The following ANLN variants were observed in gnomAD, a reference collection of about 807,000 sequenced individuals.
ANLN encodes the protein anillin.
A neutral mutation model predicts 135.1 loss-of-function variants in ANLN; 59 were observed. That is an observed-to-expected ratio of 0.44 (90% CI 0.35 to 0.54). The LOEUF is 0.54. Among genes scored for constraint, ANLN ranks in the 20% least tolerant of loss-of-function variants. The probability of loss-of-function intolerance (pLI) is 0.00; values close to 1 mark genes in which losing one functional copy is unlikely to be tolerated. For synonymous variants in ANLN, 406 were observed against 456.4 expected (o/e 0.89, Z 1.41); for missense variants, 1,182 against 1,340.0 (o/e 0.88, Z 1.84).
chr7:36,452,642 C>G lies in ANLN; in HGVS notation c.*42C>G. 6.2e-7 allele frequency: 1 copy of G among 1,604,894 alleles called. No homozygotes were observed. The highest frequency in any genetic ancestry group is 1.3e-5 in the African/African-American group (1 of 74,718). On this transcript the variant is annotated 3_prime_UTR_variant, in exon 24 of 24. Transcript: ENST00000265748. ...GCTATCTAGAGGTTTTTGATGTCAT[C>G]TTAAGAAACACACTTAAGAGCATCA...
chr7:36,394,167 T>C (rs1183473159), intron 1 of ANLN, among the ~76,000 whole-genome samples: 1 of 152,244 alleles, frequency 6.6e-6, no homozygotes, highest in Non-Finnish European at 1.5e-5. Flanking sequence ...TCTTGCTTTG[T>C]TGCCTAGGCT....
intron 3 of ANLN, among the ~76,000 whole-genome samples, chr7:36,404,039 C>T (rs1189052151): frequency 1.3e-5 from 2 of 152,082 alleles, no homozygotes; most frequent in African/African-American, 2.4e-5. Flanking sequence ...GGCACGATCT[C>T]GGCTCACTGC....
chr7:36,420,870 A>C, intron 12 of ANLN, 126 bp downstream of exon 12: 1 of 837,918 alleles, frequency 1.2e-6, no homozygotes. Flanking sequence ...TCTGATGCAT[A>C]GAAGCTCAGT....
chr7:36,433,867 A>AT (rs902362391), intron 20 of ANLN, among the ~76,000 whole-genome samples: 2 of 151,030 alleles, frequency 1.3e-5, no homozygotes, highest in African/African-American at 2.4e-5. Flanking sequence ...TTTCATTTGG[A>AT]TTTTTTTTAT....
At chr7:36,438,409 T>C (rs1011917363) in intron 20 of ANLN, among the ~76,000 whole-genome samples, 8 of 152,102 alleles carry the variant, frequency 5.3e-5, no homozygotes, top group Non-Finnish European at 1.2e-4. Context: ...TTTTGGTCTT[T>C]TGCCCAGGCC....
At chr7:36,398,782 C>A (rs1037258431) in intron 2 of ANLN, among the ~76,000 whole-genome samples, 26 of 151,278 alleles carry the variant, frequency 1.7e-4, no homozygotes, top group African/African-American at 5.6e-4. Context: ...CTCTTCCCCC[C>A]AAGTCCCCAG....
chr7:36,451,377 C>A (rs1053795725), intron 23 of ANLN, among the ~76,000 whole-genome samples: 1 of 152,224 alleles, frequency 6.6e-6, no homozygotes, highest in Non-Finnish European at 1.5e-5. Context: ...GCAGTAGTTA[C>A]AGTGGAGCTT....
chr7:36,426,902 C>G lies in ANLN; in HGVS notation c.2771-14C>G. 1 of 1,540,024 alleles carries G rather than the reference C, an allele frequency of 6.5e-7. No homozygotes were observed. The highest frequency in any genetic ancestry group is 8.8e-7 in the Non-Finnish European group (1 of 1,137,006). ...GTCATTCTGAACTAAACTTAATTTC[C>G]TCGTTCTTCACAGTCATGGCCAGTC... On this transcript the variant is annotated splice_polypyrimidine_tract_variant and intron_variant, in intron 19 of 23. Transcript: ENST00000265748.
At chr7:36,447,208 A>G (rs535525001) in intron 22 of ANLN, among the ~76,000 whole-genome samples, 1 of 152,158 alleles carries the variant, frequency 6.6e-6, no homozygotes, top group Non-Finnish European at 1.5e-5. Flanking sequence ...TCACAATTTC[A>G]TGGATAGAAG....
chr7:36,442,314 AAAATC>A (rs557259003), intron 21 of ANLN, among the ~76,000 whole-genome samples: 2 of 152,350 alleles, frequency 1.3e-5, no homozygotes, highest in South Asian at 4.1e-4. Flanking sequence ...AAGGTAATCT[AAAATC>A]AAACGCAAAG....
intron 20 of ANLN, among the ~76,000 whole-genome samples, chr7:36,431,251 A>G (rs998219289): frequency 6.6e-6 from 1 of 152,092 alleles, no homozygotes; most frequent in African/African-American, 2.4e-5. Flanking sequence ...TCGGTTTCAA[A>G]TTTGGGCAGT....
At chr7:36,425,794 A>G in intron 18 of ANLN, 54 bp downstream of exon 18, 1 of 1,546,726 alleles carries the variant, frequency 6.5e-7, no homozygotes, top group Non-Finnish European at 8.9e-7. Context: ...CATCTTACCC[A>G]TACAGTTTTA....
chr7:36,426,973 G>T lies in ANLN; in HGVS notation c.2828G>T (p.Gly943Val), dbSNP rs1788105223. Residue 943 changes from glycine (G) to valine (V), a missense_variant, in exon 20 of 24, where the codon GGA (glycine) becomes GTA (valine). This residue lies in a region of ANLN where 1,022 missense variants were observed against 1,134.0 expected (regional missense o/e 0.90). Coordinates refer to ENST00000265748, the MANE Select transcript of ANLN (RefSeq NM_018685.5). ...CGAACCAGCAACTTCGCCCTTGTTG[G>T]ATCTTACACATTATCATTGTCTTCA... ...AVRTSNFALVGSYTLSLSSVG... is the reference protein window; with the variant it reads ...AVRTSNFALVVSYTLSLSSVG... The T allele has an allele frequency of 6.2e-7, 1 of 1,613,290 alleles. No individual in the cohort carries two copies. The highest frequency in any genetic ancestry group is 1.7e-5 in the Admixed American group (1 of 59,818).
intron 22 of ANLN, among the ~76,000 whole-genome samples, chr7:36,446,017 T>C (rs1788981211): frequency 1.3e-5 from 2 of 152,224 alleles, no homozygotes; most frequent in South Asian, 4.1e-4. Flanking sequence ...ATTTATATTT[T>C]CTCTCGTATG....
At chr7:36,422,546 T>G in intron 13 of ANLN, 87 bp from the exon 14 acceptor site, 3 of 1,191,510 alleles carry the variant, frequency 2.5e-6, no homozygotes, top group Non-Finnish European at 2.3e-6. Flanking sequence ...TTACGTACAG[T>G]TTCCATATCA....
chr7:36,419,463 G>A lies in ANLN; in HGVS notation c.1853G>A (p.Gly618Asp), dbSNP rs1201145598. The A allele has an allele frequency of 1.9e-6, 3 of 1,613,464 alleles. No homozygotes were observed. Among genetic ancestry groups the A allele is most frequent in the Non-Finnish European group, 2.5e-6 (3 of 1,179,960 alleles). ...SLLAPLAQTVGVVSPESLVST... is the reference protein window; with the variant it reads ...SLLAPLAQTVDVVSPESLVST... ...CTTGCACCATTGGCACAAACAGTTGGTGTGGTAAGTCCAGAGGTAAGAAAA... is the reference window on the plus strand; with the variant it reads ...CTTGCACCATTGGCACAAACAGTTGATGTGGTAAGTCCAGAGGTAAGAAAA... The change falls in exon 10 of 24, where the codon GGT becomes GAT. Residue 618 changes from glycine to aspartate, a missense_variant. This residue lies in a region of ANLN where 1,022 missense variants were observed against 1,134.0 expected (regional missense o/e 0.90). Transcript: ENST00000265748.
Position 36,406,380 on chromosome 7 carries a change from G to A in ANLN, c.687G>A (p.Gln229=). The A allele has an allele frequency of 6.2e-7, 1 of 1,613,820 alleles. No homozygotes were observed. Among genetic ancestry groups the A allele is most frequent in the Non-Finnish European group, 8.5e-7 (1 of 1,179,710 alleles). The change falls in exon 4 of 24, where the codon CAG becomes CAA. Residue 229 remains glutamine (Q), a synonymous_variant. Transcript: ENST00000265748. ...SFAKQNSVQE[Q]PGTACLSKFS... is the part of the protein sequence containing the mutation. ...CAAAACAAAACAGTGTACAAGAACA[G>A]CCTGGTACCGCTTGTTTATCCAAAT...
At chr7:36,418,881 G>A (rs1034731822) in intron 9 of ANLN, among the ~76,000 whole-genome samples, 1 of 151,882 alleles carries the variant, frequency 6.6e-6, no homozygotes, top group Non-Finnish European at 1.5e-5. Context: ...AGCCTCCTGA[G>A]TAGCTGGGAT....
At chr7:36,413,471 A>G (rs1161522195) in intron 7 of ANLN, among the ~76,000 whole-genome samples, 1 of 152,216 alleles carries the variant, frequency 6.6e-6, no homozygotes, top group Non-Finnish European at 1.5e-5. Flanking sequence ...AGTGTATCAT[A>G]TTCTCATGGC....
Sources: allele counts gnomAD v4.1 joint callset (sites outside exome capture counted in the v4.1 genomes callset), GRCh38; gene constraint gnomAD v4.1.1; regional missense constraint gnomAD v4.1.1; transcripts MANE v1.5; gene names NCBI Gene and HGNC (gene_info 2026-07-23, HGNC 2026-07-21).